The following POLR3A variants were observed in gnomAD, a reference collection of about 807,000 sequenced individuals.
POLR3A encodes the protein RNA polymerase III subunit A.
A neutral mutation model predicts 152.8 loss-of-function variants in POLR3A; 112 were observed. The ratio of observed to expected loss-of-function variants is 0.73; its 90% CI spans 0.63 to 0.86. The LOEUF is 0.86. POLR3A is among the 40% of genes least tolerant of loss of function. POLR3A has a pLI of 0.00. For missense variants in POLR3A, 1,385 were observed against 1,743.1 expected (o/e 0.79, Z 3.66); for synonymous variants, 615 against 652.1 (o/e 0.94, Z 0.87).
intron 16 of POLR3A, among the ~76,000 whole-genome samples, chr10:78,003,939 A>G (rs924272691): frequency 6.6e-6 from 1 of 151,748 alleles, no homozygotes; most frequent in Non-Finnish European, 1.5e-5. Flanking sequence ...AAAACAAAAC[A>G]ACAACAAAAA....
intron 26 of POLR3A, 104 bp from the exon 27 acceptor site, chr10:77,982,921 AC>A (rs34779091): frequency 3.3e-5 from 30 of 914,506 alleles, no homozygotes; most frequent in East Asian, 4.9e-5. Context: ...TGTTCTAAGC[AC>A]CCCCCACCCG....
intron 19 of POLR3A, among the ~76,000 whole-genome samples, chr10:77,994,236 C>T (rs2131937713): frequency 6.6e-6 from 1 of 152,194 alleles, no homozygotes; most frequent in Middle Eastern, 3.4e-3. Context: ...TTAAAGGTAT[C>T]AGATGATACA....
intron 15 of POLR3A, among the ~76,000 whole-genome samples, chr10:78,005,684 G>A (rs1847404146): frequency 6.6e-6 from 1 of 152,222 alleles, no homozygotes; most frequent in South Asian, 2.1e-4. Flanking sequence ...TGGAAACAAG[G>A]AAACCTAGTG....
Position 78,007,858 on chromosome 10 carries a change from T to C in POLR3A, c.1918A>G (p.Ile640Val), listed in dbSNP as rs752790033. 1.2e-6 allele frequency: 2 copies of C among 1,612,314 alleles called. No individual in the cohort carries two copies. Among genetic ancestry groups the C allele is most frequent in the South Asian group, 2.2e-5 (2 of 91,038 alleles). ...CCACTCATCAACTCACTGTTCTGGA[T>C]TGTAACATCTGGAAGAATGATTATA... ...DLCANDSYVT[I>V]QNSELMSGSM... Residue 640 changes from isoleucine (I) to valine (V), a missense_variant, in exon 15 of 31, where the codon ATC becomes GTC. By Grantham distance (29) the Ile-to-Val change is conservative. Coordinates refer to ENST00000372371, the MANE Select transcript of POLR3A (RefSeq NM_007055.4).
In POLR3A at chr10:78,025,048, T is replaced by C; in HGVS notation, c.413A>G (p.Gln138Arg). 1.9e-6 allele frequency: 3 copies of C among 1,614,212 alleles called. No homozygotes were observed. Among genetic ancestry groups the C allele is most frequent in the African/African-American group, 1.3e-5 (1 of 75,060 alleles). Residue 138 changes from glutamine (Q) to arginine (R), a missense_variant, in exon 4 of 31, where the codon CAG becomes CGG. Around this residue, in one of 7 missense-constraint regions of POLR3A, gnomAD observed 493 missense variants for 647.5 expected, o/e 0.76. Transcript: ENST00000372371. ...GATTTTCTTTTTCAGTCCTCGCTTC[T>C]GAAGGTAGGTCAGGCCGGGCCTCTT... ...YLKRPGLTYL[Q>R]KRGLKKKISD...
intron 1 of POLR3A, among the ~76,000 whole-genome samples, chr10:78,027,383 G>A (rs1393384465): frequency 6.6e-6 from 1 of 152,190 alleles, no homozygotes. Flanking sequence ...AATGCAGCCG[G>A]GTGCGGTGGC....
Position 77,993,320 on chromosome 10 carries a change from C to T in POLR3A, c.2664G>A (p.Leu888=). Reference sequence around the variant, plus strand: ...TATCGCCAGTAGAGCTTCGGACTGTCAGATCATACTGGGAGCAAAGATCTT... The same window carrying T: ...TATCGCCAGTAGAGCTTCGGACTGTTAGATCATACTGGGAGCAAAGATCTT... ...SLEDLCSQYD[L]TVRSSTGDII... The change falls in exon 20 of 31, where the codon CTG becomes CTA. Residue 888 remains leucine (L), a synonymous_variant. Coordinates refer to ENST00000372371, the MANE Select transcript of POLR3A (RefSeq NM_007055.4). The T allele has an allele frequency of 6.2e-7, 1 of 1,613,452 alleles. No individual in the cohort carries two copies. The highest frequency in any genetic ancestry group is 8.5e-7 in the Non-Finnish European group (1 of 1,179,412).
Position 78,010,368 on chromosome 10 carries a change from C to G in POLR3A, c.1642+103G>C. 3 of 954,624 alleles carry G rather than the reference C, an allele frequency of 3.1e-6. No individual in the cohort carries two copies. In the Admixed American group the frequency reaches 5.2e-5, roughly 16 times the overall value. 59.1% of individuals were successfully genotyped at this position (954,624 alleles called of 1,614,324 possible). On this transcript the variant is annotated intron_variant, in intron 12 of 30. Transcript: ENST00000372371. ...AGTAAACAAAAAACCAAATTAAACA[C>G]AGGCTATTAAATAGCTTTTCAAGTC...
intron 14 of POLR3A, among the ~76,000 whole-genome samples, chr10:78,008,266 A>C (rs915405505): frequency 2.6e-5 from 4 of 152,258 alleles, no homozygotes; most frequent in Non-Finnish European, 4.4e-5. Flanking sequence ...AAATATTAAC[A>C]AAGGTACCAT....
intron 10 of POLR3A, 93 bp downstream of exon 10, chr10:78,017,482 A>G: frequency 1.1e-5 from 14 of 1,276,650 alleles, no homozygotes; most frequent in Non-Finnish European, 1.6e-5. Flanking sequence ...TTGAGATAAC[A>G]GGCAATTTTA....
intron 8 of POLR3A, 33 bp downstream of exon 8, chr10:78,021,513 A>G (rs1847579281): frequency 6.2e-7 from 1 of 1,612,566 alleles, no homozygotes; most frequent in African/African-American, 1.3e-5. Context: ...CTGAATTTAA[A>G]ACAAAGAATT....
At chr10:78,006,366 C>T (rs184028940) in intron 15 of POLR3A, among the ~76,000 whole-genome samples, 1 of 129,344 alleles carries the variant, frequency 7.7e-6, no homozygotes, top group Admixed American at 9.2e-5. Context: ...CACTGCACTC[C>T]AGCCTGGCGA....
intron 21 of POLR3A, 141 bp from the exon 22 acceptor site, chr10:77,986,300 T>C: frequency 1.4e-6 from 1 of 698,214 alleles, no homozygotes; most frequent in Non-Finnish European, 2.6e-6. Flanking sequence ...GGACCCAATC[T>C]GGATACTGCT....
At chr10:78,020,318 C>A (rs890711714) in intron 8 of POLR3A, 1 of 152,020 alleles carries the variant, frequency 6.6e-6, no homozygotes, top group African/African-American at 2.4e-5. Flanking sequence ...AGAATCCCAT[C>A]TCTAAAAAAT....
intron 8 of POLR3A, chr10:78,020,294 T>A (rs531247146): frequency 1.3e-5 from 2 of 152,098 alleles, no homozygotes; most frequent in Non-Finnish European, 2.9e-5. Context: ...AAGACCAGCC[T>A]GGGCAACATA....
At chr10:78,027,068 T>C (rs899313434) in intron 1 of POLR3A, among the ~76,000 whole-genome samples, 2 of 152,106 alleles carry the variant, frequency 1.3e-5, no homozygotes, top group African/African-American at 4.8e-5. Flanking sequence ...AACAAACGAA[T>C]ATACAAATGT....
chr10:77,991,308 T>C, intron 20 of POLR3A, 141 bp from the exon 21 acceptor site: 1 of 687,958 alleles, frequency 1.5e-6, no homozygotes, highest in Non-Finnish European at 2.7e-6. Flanking sequence ...CAAAACAAAT[T>C]GTGGACTCTA....
intron 18 of POLR3A, 66 bp downstream of exon 18, chr10:78,000,910 G>A: frequency 2.3e-6 from 2 of 854,762 alleles, no homozygotes; most frequent in Non-Finnish European, 4.0e-6. Context: ...GAATAGGTCT[G>A]TGTTCCTTGG....
At chr10:78,015,311 T>C (rs1216329810) in intron 10 of POLR3A, among the ~76,000 whole-genome samples, 2 of 152,174 alleles carry the variant, frequency 1.3e-5, no homozygotes, top group Non-Finnish European at 2.9e-5. Flanking sequence ...CTTTCTACTT[T>C]AGTGTACATT....
Sources: allele counts gnomAD v4.1 joint callset (sites outside exome capture counted in the v4.1 genomes callset), GRCh38; gene constraint gnomAD v4.1.1; regional missense constraint gnomAD v4.1.1; transcripts MANE v1.5; gene names NCBI Gene and HGNC (gene_info 2026-07-23, HGNC 2026-07-21).